CCDC6: variants seen among roughly 807,000 people sequenced by gnomAD.
The protein encoded by CCDC6 is coiled-coil domain-containing protein 6.
CCDC6 carries 20 observed loss-of-function variants against 56.6 expected under a neutral mutation model. The ratio of observed to expected loss-of-function variants is 0.35; its 90% confidence interval spans 0.25 to 0.51. The LOEUF is 0.51. Ranked by LOEUF, CCDC6 falls within the 20% of genes least tolerant of loss-of-function variation. The probability of loss-of-function intolerance (pLI) is 0.95; values close to 1 mark genes in which losing one functional copy is unlikely to be tolerated. For missense variants in CCDC6, 367 were observed against 601.1 expected (o/e 0.61, Z 4.07); for synonymous variants, 241 against 234.4 (o/e 1.03, Z -0.26).
intron 1 of CCDC6, among the ~76,000 whole-genome samples, chr10:59,870,210 A>G (rs1204249985): frequency 6.6e-6 from 1 of 152,232 alleles, no homozygotes; most frequent in East Asian, 1.9e-4. Context: ...ATACTGGTTA[A>G]CATATGGGCA....
chr10:59,893,613 CAAAT>C (rs1177221775), intron 1 of CCDC6, among the ~76,000 whole-genome samples: 22 of 131,896 alleles, frequency 1.7e-4, no homozygotes, highest in Admixed American at 1.6e-3. Context: ...CTCAAACAAA[CAAAT>C]ACATACATAC....
intron 2 of CCDC6, among the ~76,000 whole-genome samples, chr10:59,839,961 A>C (rs528983913): frequency 6.6e-6 from 1 of 152,092 alleles, no homozygotes; most frequent in East Asian, 1.9e-4. Flanking sequence ...GAGTAGCTGG[A>C]ATTACAGGCA....
intron 3 of CCDC6, 68 bp downstream of exon 3, chr10:59,832,457 C>G: frequency 6.7e-7 from 1 of 1,486,130 alleles, no homozygotes; most frequent in Non-Finnish European, 9.1e-7. Context: ...CTCCAGGCAT[C>G]TTAAAGCTTA....
In CCDC6 at chr10:59,792,464, G is replaced by C. The variant is rs776023020; in HGVS notation, c.*453C>G. 2.3e-6 allele frequency: 1 copy of C among 440,402 alleles called. No homozygotes were observed. The highest frequency in any genetic ancestry group is 4.3e-6 in the Non-Finnish European group (1 of 233,656). The allele number at this position is 440,402 out of a possible 1,614,324, so 27.3% of individuals were successfully genotyped here. A position where few individuals can be genotyped will look rare whatever the true frequency, so the allele number is the denominator to read the frequency against. On this transcript the variant is annotated 3_prime_UTR_variant, in exon 9 of 9. Transcript: ENST00000263102. ...TTTCAAAGGTCTGAATTGTAGTGCT[G>C]AATTATTGGTATGTTTGGTAAACAC...
At chr10:59,874,252 T>C (rs374054726) in intron 1 of CCDC6, among the ~76,000 whole-genome samples, 3 of 152,256 alleles carry the variant, frequency 2.0e-5, no homozygotes, top group Non-Finnish European at 2.9e-5. Flanking sequence ...AAGGCACAAA[T>C]TGATCTTCTC....
intron 2 of CCDC6, among the ~76,000 whole-genome samples, chr10:59,850,473 A>G (rs367623102): frequency 6.6e-6 from 1 of 152,200 alleles, no homozygotes; most frequent in African/African-American, 2.4e-5. Context: ...AACAAGCTAC[A>G]GACCCATCTA....
intron 2 of CCDC6, among the ~76,000 whole-genome samples, chr10:59,842,735 A>C (rs1334076921): frequency 6.7e-6 from 1 of 150,222 alleles, no homozygotes; most frequent in Non-Finnish European, 1.5e-5. Context: ...TTCCCTTTAG[A>C]ATTTATGGAA....
At position 59,798,355 on chromosome 10, in the gene CCDC6, C is replaced by T. The variant is rs367547207; in HGVS notation, c.1106-3758G>A. On this transcript the variant is annotated intron_variant, in intron 7 of 8. Transcript: ENST00000263102. Reference sequence around the variant, plus strand: ...TTGTTTCCATGACAGAGATATTCAGCCAAGCCTTCCTTTAGTTGTGCTATT... The same window carrying T: ...TTGTTTCCATGACAGAGATATTCAGTCAAGCCTTCCTTTAGTTGTGCTATT... Among the ~76,000 whole-genome samples the T allele has an allele frequency of 2.6e-4, 40 of 152,340 alleles. 1 individual carries two copies. The East Asian group carries it at 7.3e-3, about 28-fold the overall frequency.
rs534785534 is a variant in CCDC6, at chr10:59,792,869, G to A, written c.*48C>T. On this transcript the variant is annotated 3_prime_UTR_variant, in exon 9 of 9. Transcript: ENST00000263102. The stretch of plus-strand genomic sequence containing the variant: ...AGGAAGCCTTTGGCGTTGAGTAGAC[G>A]GCTCCATTGGATGAGTCCCAACTTG... 45 of 1,578,810 alleles carry A rather than the reference G, an allele frequency of 2.9e-5. No individual in the cohort carries two copies. Among genetic ancestry groups the A allele is most frequent in the Middle Eastern group, 3.3e-4 (2 of 6,014 alleles).
chr10:59,802,816 T>C (rs1017399445), intron 7 of CCDC6, among the ~76,000 whole-genome samples: 2 of 152,216 alleles, frequency 1.3e-5, no homozygotes, highest in Non-Finnish European at 1.5e-5. Flanking sequence ...ACATTTGTTC[T>C]TTTTCTTTTC....
chr10:59,814,702 T>G lies in CCDC6; in HGVS notation c.636A>C (p.Ala212=). ...LENTLEQEQE[A]LVNRLWKRMD... ...TCCTTTTCCAGAGGCGATTAACTAG[T>G]GCTTCTTGTTCTTGTTCCAATGTAT... Residue 212 remains alanine (A), a synonymous_variant, in exon 4 of 9, where the codon GCA becomes GCC. Transcript: ENST00000263102. 6.2e-7 allele frequency: 1 copy of G among 1,613,718 alleles called. No homozygotes were observed. Among genetic ancestry groups the G allele is most frequent in the Non-Finnish European group, 8.5e-7 (1 of 1,179,696 alleles).
At chr10:59,820,552 G>C (rs1052055539) in intron 3 of CCDC6, among the ~76,000 whole-genome samples, 1 of 152,056 alleles carries the variant, frequency 6.6e-6, no homozygotes, top group Admixed American at 6.6e-5. Context: ...AGGCACTTAA[G>C]CCTGGGAAAC....
At chr10:59,892,925 T>C (rs978348172) in intron 1 of CCDC6, among the ~76,000 whole-genome samples, 20 of 151,492 alleles carry the variant, frequency 1.3e-4, no homozygotes, top group African/African-American at 4.4e-4. Context: ...CCAGCACCAA[T>C]ACTGAGGGAA....
intron 1 of CCDC6, among the ~76,000 whole-genome samples, chr10:59,885,869 A>G (rs2071378913): frequency 6.7e-6 from 1 of 149,886 alleles, no homozygotes; most frequent in Admixed American, 6.7e-5. Context: ...CACAGCTTCA[A>G]TTCTATAACT....
chr10:59,881,723 T>A (rs1564755670), intron 1 of CCDC6, among the ~76,000 whole-genome samples: 1 of 152,206 alleles, frequency 6.6e-6, no homozygotes, highest in Non-Finnish European at 1.5e-5. Context: ...CCTGGCTGCC[T>A]AAGCAGTTTT....
chr10:59,823,437 A>G (rs55826266), intron 3 of CCDC6, among the ~76,000 whole-genome samples: 47,224 of 151,958 alleles, frequency 0.31, 7,793 homozygotes, highest in Non-Finnish European at 0.36. Context: ...GCACTTGTTC[A>G]CTCCAGTTCC....
intron 1 of CCDC6, among the ~76,000 whole-genome samples, chr10:59,868,553 A>T (rs930051020): frequency 6.6e-6 from 1 of 152,102 alleles, no homozygotes; most frequent in African/African-American, 2.4e-5. Flanking sequence ...CAGGTCTCTT[A>T]TTTGGCCTTT....
intron 2 of CCDC6, among the ~76,000 whole-genome samples, chr10:59,851,751 T>C (rs1193304402): frequency 6.6e-6 from 1 of 152,180 alleles, no homozygotes; most frequent in Non-Finnish European, 1.5e-5. Flanking sequence ...TTCACAGACA[T>C]CTAAAGACAA....
At chr10:59,874,025 C>T (rs2071255583) in intron 1 of CCDC6, among the ~76,000 whole-genome samples, 1 of 151,862 alleles carries the variant, frequency 6.6e-6, no homozygotes, top group Admixed American at 6.6e-5. Flanking sequence ...CAGTGAAGAT[C>T]TATGACATCT....
Sources: allele counts gnomAD v4.1 joint callset (sites outside exome capture counted in the v4.1 genomes callset), GRCh38; gene constraint gnomAD v4.1.1; transcripts MANE v1.5; gene names NCBI Gene and HGNC (gene_info 2026-07-23, HGNC 2026-07-21).